The following DIP2C variants were observed in gnomAD, a reference collection of about 807,000 sequenced individuals.
DIP2C encodes the protein disco-interacting protein 2 homolog C.
A neutral mutation model predicts 192.4 loss-of-function variants in DIP2C; 33 were observed. That is an observed-to-expected ratio of 0.17 (90% CI 0.13 to 0.23). The LOEUF (loss-of-function observed/expected upper bound fraction) is 0.23, where lower values mean the gene tolerates loss of function less well. Ranked by LOEUF, DIP2C falls within the 10% of genes least tolerant of loss-of-function variation. The pLI is 1.00. For synonymous variants in DIP2C, 979 were observed against 864.1 expected (o/e 1.13, Z -2.33); for missense variants, 1,537 against 2,110.1 (o/e 0.73, Z 5.32).
Position 674,789 on chromosome 10 carries a change from T to TATATATATATAGAGAG in DIP2C, c.85+14704_85+14705insCTCTCTATATATATAT. The stretch of plus-strand genomic sequence containing the variant: ...CATCTCAAATATATATATATATATA[T>TATATATATATAGAGAG]AGAGAGAGAGAGAGAGAGAGAGAGA... On this transcript the variant is annotated intron_variant, in intron 1 of 36. Coordinates refer to ENST00000280886, the MANE Select transcript of DIP2C (RefSeq NM_014974.3). Among the ~76,000 whole-genome samples, 134 of 62,456 alleles carry TATATATATATAGAGAG rather than the reference T, an allele frequency of 2.1e-3. 3 individuals are homozygous for TATATATATATAGAGAG. Among genetic ancestry groups the TATATATATATAGAGAG allele is most frequent in the African/African-American group, 4.6e-3 (51 of 11,056 alleles). 41.0% of individuals were successfully genotyped at this position (62,456 alleles called of 152,430 possible).
In DIP2C at chr10:513,143, C is replaced by G. The variant is rs532992599; in HGVS notation, c.86-26613G>C. On this transcript the variant is annotated intron_variant, in intron 1 of 36. Coordinates refer to ENST00000280886, the MANE Select transcript of DIP2C (RefSeq NM_014974.3). ...CATTATATTTTTTAAGCATCTGTATCCAATATTTTAGCATACTGGCAGTTT... is the reference window on the plus strand; with the variant it reads ...CATTATATTTTTTAAGCATCTGTATGCAATATTTTAGCATACTGGCAGTTT... Among the ~76,000 whole-genome samples, 9 of 151,226 alleles carry G rather than the reference C, an allele frequency of 6.0e-5. No individual in the cohort carries two copies. In the South Asian group the frequency reaches 1.1e-3, roughly 18 times the overall value.
chr10:508,812 G>T (rs1409004348), intron 1 of DIP2C, among the ~76,000 whole-genome samples: 1 of 152,174 alleles, frequency 6.6e-6, no homozygotes, highest in African/African-American at 2.4e-5. Context: ...GCTGGAGATG[G>T]GAAGTTGTGT....
chr10:420,282 A>G (rs1172414468), intron 5 of DIP2C, among the ~76,000 whole-genome samples: 1 of 152,256 alleles, frequency 6.6e-6, no homozygotes, highest in Non-Finnish European at 1.5e-5. Context: ...CTGCTTTGTG[A>G]TCTGAGAATC....
rs536465855 is a variant in DIP2C at position 357,967 on chromosome 10, G to A, written c.2795-30C>T. ...AAAGAAACAGAGACATGGCCATGAG[G>A]AAACAAAAGAGAAATTCCTTCAGAC... On this transcript the variant is annotated intron_variant, in intron 22 of 36. Coordinates refer to ENST00000280886, the MANE Select transcript of DIP2C (RefSeq NM_014974.3). 4.5e-6 allele frequency: 7 copies of A among 1,562,830 alleles called. No homozygotes were observed. The African/African-American group carries it at 6.8e-5, about 15-fold the overall frequency.
At chr10:590,220 A>AG (rs1276568696) in intron 1 of DIP2C, among the ~76,000 whole-genome samples, 4 of 152,224 alleles carry the variant, frequency 2.6e-5, no homozygotes, top group African/African-American at 9.6e-5. Flanking sequence ...ATGTCAGGCC[A>AG]GGGGCAACCA....
chr10:512,236 G>A (rs935752255), intron 1 of DIP2C, among the ~76,000 whole-genome samples: 3 of 152,196 alleles, frequency 2.0e-5, no homozygotes, highest in African/African-American at 7.2e-5. Flanking sequence ...AGGTTGAAGC[G>A]TTTTTTAAAG....
intron 1 of DIP2C, among the ~76,000 whole-genome samples, chr10:680,791 G>A (rs112491212): frequency 0.034 from 5,154 of 152,344 alleles, 270 homozygotes; most frequent in African/African-American, 0.11. Context: ...AAGAACTGCC[G>A]CTCTGTGTCA....
chr10:446,555 C>A (rs376793631), intron 3 of DIP2C, among the ~76,000 whole-genome samples: 1 of 152,228 alleles, frequency 6.6e-6, no homozygotes, highest in Non-Finnish European at 1.5e-5. Context: ...CCTTCCAAGT[C>A]TGTGCCTTTT....
chr10:499,966 C>G (rs1365194681), intron 1 of DIP2C, among the ~76,000 whole-genome samples: 1 of 152,226 alleles, frequency 6.6e-6, no homozygotes, highest in African/African-American at 2.4e-5. Flanking sequence ...CACAATGGGA[C>G]TGGGGAAGGG....
chr10:612,418 G>A (rs1853157258), intron 1 of DIP2C, among the ~76,000 whole-genome samples: 2 of 152,162 alleles, frequency 1.3e-5, no homozygotes, highest in South Asian at 4.1e-4. Context: ...CTTTTAAGAA[G>A]ATATGAAGAT....
intron 1 of DIP2C, chr10:650,733 C>G (rs117202400): frequency 0.011 from 7,204 of 637,670 alleles, 66 homozygotes; most frequent in Non-Finnish European, 0.015. Flanking sequence ...GCCGACCCCC[C>G]CTCATGCTCA....
At chr10:528,097 G>A (rs1847161395) in intron 1 of DIP2C, among the ~76,000 whole-genome samples, 1 of 152,096 alleles carries the variant, frequency 6.6e-6, no homozygotes, top group Non-Finnish European at 1.5e-5. Flanking sequence ...ATACCTCATG[G>A]AGCAGTCACC....
chr10:552,589 G>A (rs11253162), intron 1 of DIP2C, among the ~76,000 whole-genome samples: 11,657 of 152,282 alleles, frequency 0.077, 639 homozygotes, highest in Non-Finnish European at 0.12. Flanking sequence ...AGTGGTTCAC[G>A]CCTGTAATCC....
chr10:602,394 G>A (rs1237469298), intron 1 of DIP2C, among the ~76,000 whole-genome samples: 1 of 152,164 alleles, frequency 6.6e-6, no homozygotes, highest in Non-Finnish European at 1.5e-5. Flanking sequence ...CAATGGCTCT[G>A]GCCTGAATGT....
At chr10:401,362 A>G (rs1964427892) in intron 9 of DIP2C, among the ~76,000 whole-genome samples, 1 of 151,876 alleles carries the variant, frequency 6.6e-6, no homozygotes, top group African/African-American at 2.4e-5. Context: ...TGGTAGCATT[A>G]GCATTACTCT....
intron 3 of DIP2C, among the ~76,000 whole-genome samples, chr10:466,266 C>G (rs1351096729): frequency 6.6e-6 from 1 of 151,306 alleles, no homozygotes; most frequent in Admixed American, 6.6e-5. Flanking sequence ...TTTGACAAAC[C>G]TGAGAAAAAC....
intron 31 of DIP2C, among the ~76,000 whole-genome samples, chr10:325,535 G>A (rs1469392354): frequency 3.9e-5 from 6 of 152,110 alleles, no homozygotes; most frequent in South Asian, 2.1e-4. Context: ...CCTCTTGCCC[G>A]GGGGTCCCTG....
intron 3 of DIP2C, among the ~76,000 whole-genome samples, chr10:469,875 C>G (rs1320482512): frequency 2.0e-5 from 3 of 152,280 alleles, no homozygotes; most frequent in East Asian, 3.9e-4. Flanking sequence ...GTGTCACACT[C>G]CCTCATCTTC....
chr10:539,795 T>TG (rs1847881222), intron 1 of DIP2C, among the ~76,000 whole-genome samples: 1 of 152,250 alleles, frequency 6.6e-6, no homozygotes, highest in Non-Finnish European at 1.5e-5. Flanking sequence ...TAAGCTGCTT[T>TG]GGTTTTTAAA....
Sources: gnomAD v4.1 joint callset for allele counts (sites outside exome capture counted in the v4.1 genomes callset) on GRCh38, gnomAD v4.1.1 for gene constraint, MANE v1.5 for transcripts, NCBI Gene and HGNC (gene_info 2026-07-23, HGNC 2026-07-21) for gene names.